ELOVL7: variants seen among roughly 807,000 people sequenced by gnomAD.
ELOVL7 encodes ELOVL fatty acid elongase 7, also known as very long chain fatty acid elongase 7.
A neutral mutation model predicts 35.7 loss-of-function variants in ELOVL7; 27 were observed. That is an observed-to-expected ratio of 0.76 (90% confidence interval 0.56 to 1.04). The LOEUF (loss-of-function observed/expected upper bound fraction) is 1.04. ELOVL7 is among the 50% of genes least tolerant of loss of function. The pLI is 0.00. For synonymous variants in ELOVL7, 113 were observed against 114.6 expected (o/e 0.99, Z 0.09); for missense variants, 327 against 340.8 (o/e 0.96, Z 0.32).
At chr5:60,786,873 C>A (rs766087913) in intron 3 of ELOVL7, among the ~76,000 whole-genome samples, 2 of 150,678 alleles carry the variant, frequency 1.3e-5, no homozygotes, top group Non-Finnish European at 3.0e-5. Context: ...ACCAGGGAGG[C>A]GGAGGTTGCA....
chr5:60,758,697 A>C (rs1462834250), intron 7 of ELOVL7, among the ~76,000 whole-genome samples: 3 of 152,228 alleles, frequency 2.0e-5, no homozygotes, highest in Non-Finnish European at 4.4e-5. Flanking sequence ...CCAGTAATAC[A>C]GCAGAAGGGG....
intron 7 of ELOVL7, among the ~76,000 whole-genome samples, chr5:60,761,869 A>G (rs113069507): frequency 6.6e-6 from 1 of 152,110 alleles, no homozygotes; most frequent in Non-Finnish European, 1.5e-5. Flanking sequence ...CTCAGCTATA[A>G]AGAAGAGGGC....
At chr5:60,784,964 C>T (rs1413744573) in intron 3 of ELOVL7, among the ~76,000 whole-genome samples, 3 of 152,128 alleles carry the variant, frequency 2.0e-5, no homozygotes, top group Admixed American at 6.5e-5. Context: ...GGGATACTTC[C>T]GAAACAGCAG....
chr5:60,812,778 C>T (rs889353743), intron 1 of ELOVL7, among the ~76,000 whole-genome samples: 1 of 151,642 alleles, frequency 6.6e-6, no homozygotes, highest in East Asian at 1.9e-4. Context: ...CATTGTTGAC[C>T]TCTCCTTCCT....
intron 6 of ELOVL7, among the ~76,000 whole-genome samples, 198 bp downstream of exon 6, chr5:60,766,376 G>A (rs1010235550): frequency 2.6e-5 from 4 of 152,112 alleles, no homozygotes; most frequent in African/African-American, 4.8e-5. Context: ...AAAAAATAAG[G>A]TTATCCTATC....
chr5:60,802,239 T>C (rs1744688388), intron 1 of ELOVL7, among the ~76,000 whole-genome samples: 1 of 151,776 alleles, frequency 6.6e-6, no homozygotes, highest in Non-Finnish European at 1.5e-5. Context: ...ATTGGGTCAG[T>C]ACAATTTTTC....
At chr5:60,810,888 C>T (rs996565442) in intron 1 of ELOVL7, among the ~76,000 whole-genome samples, 1 of 152,200 alleles carries the variant, frequency 6.6e-6, no homozygotes, top group South Asian at 2.1e-4. Context: ...CCATGGCATT[C>T]GTCAATCAGT....
At chr5:60,798,482 G>A (rs1429654305) in intron 2 of ELOVL7, among the ~76,000 whole-genome samples, 1 of 152,146 alleles carries the variant, frequency 6.6e-6, no homozygotes, top group East Asian at 1.9e-4. Context: ...GGTGCTTAGA[G>A]ATTAAAGTGG....
chr5:60,759,989 T>C (rs1224870346), intron 7 of ELOVL7, among the ~76,000 whole-genome samples: 2 of 152,240 alleles, frequency 1.3e-5, no homozygotes, highest in Non-Finnish European at 2.9e-5. Flanking sequence ...TATGGCTGCA[T>C]AGTATTCCAT....
chr5:60,816,595 C>T (rs1197880485), intron 1 of ELOVL7, among the ~76,000 whole-genome samples: 1 of 152,150 alleles, frequency 6.6e-6, no homozygotes, highest in African/African-American at 2.4e-5. Flanking sequence ...ATTTTTGACA[C>T]AAAGTCAGCA....
intron 2 of ELOVL7, among the ~76,000 whole-genome samples, chr5:60,791,550 C>A (rs560363612): frequency 5.7e-4 from 86 of 152,178 alleles, no homozygotes; most frequent in African/African-American, 2.0e-3. Context: ...TAAGTTGTGC[C>A]AATTTAGTAG....
At chr5:60,763,521 C>A (rs765719929) in intron 7 of ELOVL7, among the ~76,000 whole-genome samples, 1 of 152,166 alleles carries the variant, frequency 6.6e-6, no homozygotes, top group Non-Finnish European at 1.5e-5. Flanking sequence ...AATCCCCCAA[C>A]CAAATTTTCC....
chr5:60,837,331 G>A (rs1561478318), intron 1 of ELOVL7, among the ~76,000 whole-genome samples: 1 of 120,674 alleles, frequency 8.3e-6, no homozygotes, highest in Non-Finnish European at 1.8e-5. Context: ...GGGAGTGGGG[G>A]GTGGGGGTGG....
At chr5:60,842,256 T>G (rs1747217192) in intron 1 of ELOVL7, among the ~76,000 whole-genome samples, 1 of 151,754 alleles carries the variant, frequency 6.6e-6, no homozygotes, top group Non-Finnish European at 1.5e-5. Context: ...TAGAAGATAT[T>G]TAACGAATGG....
intron 1 of ELOVL7, among the ~76,000 whole-genome samples, chr5:60,828,259 T>C (rs937750083): frequency 6.6e-6 from 1 of 152,176 alleles, no homozygotes; most frequent in Non-Finnish European, 1.5e-5. Context: ...GCTCCCTGCA[T>C]TCTCTCTGTT....
intron 1 of ELOVL7, among the ~76,000 whole-genome samples, chr5:60,805,808 A>G (rs1744891056): frequency 6.6e-6 from 1 of 152,174 alleles, no homozygotes; most frequent in African/African-American, 2.4e-5. Flanking sequence ...TTGCAAATCT[A>G]TTCTTATCTT....
chr5:60,757,411 T>C (rs565413076), intron 8 of ELOVL7, 98 bp downstream of exon 8: 1 of 1,277,616 alleles, frequency 7.8e-7, no homozygotes, highest in Admixed American at 2.0e-5. Context: ...CCCTATTGTT[T>C]TGTCTTTCTT....
chr5:60,774,787 C>T (rs528259629), intron 3 of ELOVL7, among the ~76,000 whole-genome samples: 56 of 139,114 alleles, frequency 4.0e-4, no homozygotes, highest in African/African-American at 1.2e-3. Flanking sequence ...TTTTTTGAGA[C>T]GGAGTCTTGC....
At chr5:60,819,296 C>T (rs1447352541) in intron 1 of ELOVL7, among the ~76,000 whole-genome samples, 1 of 151,938 alleles carries the variant, frequency 6.6e-6, no homozygotes, top group African/African-American at 2.4e-5. Context: ...TGAATTACTA[C>T]TAGTTGAATA....
Sources: allele counts gnomAD v4.1 joint callset (sites outside exome capture counted in the v4.1 genomes callset), GRCh38; gene constraint gnomAD v4.1.1; transcripts MANE v1.5; gene names NCBI Gene and HGNC (gene_info 2026-07-23, HGNC 2026-07-21).